Variants in IL12RB2 observed in about 807,000 individuals in gnomAD.
The protein encoded by IL12RB2 is interleukin-12 receptor subunit beta-2.
A neutral mutation model predicts 89.4 loss-of-function variants in IL12RB2; 82 were observed. That is an observed-to-expected ratio of 0.92 (90% CI 0.77 to 1.10). The LOEUF (loss-of-function observed/expected upper bound fraction) is 1.10. Ranked by LOEUF, IL12RB2 falls within the 50% of genes least tolerant of loss-of-function variation. The pLI is 0.00. For synonymous variants in IL12RB2, 368 were observed against 370.1 expected, an observed-to-expected ratio of 0.99 and a Z score of 0.07; for missense variants, 963 against 1,031.9, an observed-to-expected ratio of 0.93 and a Z score of 0.92.
In IL12RB2 at chr1:67,381,782, A is replaced by G. The variant is rs139186054; in HGVS notation, c.1855+1659A>G. 1.5e-3 allele frequency among the ~76,000 whole-genome samples: 198 copies of G among 132,704 alleles called. 1 individual carries two copies. The highest frequency in any genetic ancestry group is 4.1e-3 in the Middle Eastern group (1 of 244). 87.1% of individuals were successfully genotyped at this position (132,704 alleles called of 152,430 possible). ...CTATGTTTCAAAAAAAAAAAAAAAA[A>G]AAAGAAAGAAAGTTAACTTGCTCGA... On this transcript the variant is annotated intron_variant, in intron 14 of 16. Transcript: ENST00000674203.
intron 1 of IL12RB2, among the ~76,000 whole-genome samples, chr1:67,309,460 A>G (rs1489090107): frequency 6.6e-6 from 1 of 152,160 alleles, no homozygotes; most frequent in Non-Finnish European, 1.5e-5. Flanking sequence ...TCTCTGTCCA[A>G]CACATAACTA....
intron 10 of IL12RB2, among the ~76,000 whole-genome samples, chr1:67,366,846 T>G (rs575383602): frequency 6.6e-6 from 1 of 152,234 alleles, no homozygotes; most frequent in Non-Finnish European, 1.5e-5. Context: ...AGGGTTTAGG[T>G]AGCAATCTGA....
intron 4 of IL12RB2, among the ~76,000 whole-genome samples, chr1:67,322,932 C>T (rs1656774370): frequency 1.3e-5 from 2 of 152,186 alleles, no homozygotes; most frequent in African/African-American, 4.8e-5. Flanking sequence ...AGCATGGGCC[C>T]TGAGGGATTC....
chr1:67,371,131 G>A (rs1285131998), intron 11 of IL12RB2, among the ~76,000 whole-genome samples: 2 of 152,134 alleles, frequency 1.3e-5, no homozygotes, highest in Admixed American at 6.5e-5. Context: ...CATATTCCAT[G>A]TTGCCCTTTG....
At chr1:67,336,357 G>C (rs762491522) in intron 8 of IL12RB2, among the ~76,000 whole-genome samples, 1 of 152,118 alleles carries the variant, frequency 6.6e-6, no homozygotes, top group Non-Finnish European at 1.5e-5. Context: ...TATAGTGTCC[G>C]GACACCACCT....
rs761265401 is a variant in IL12RB2 at position 67,328,387 on chromosome 1, A to G, written c.664+3A>G. ...CACATTCACATTCTTGGACATAGGT[A>G]CATTTTATTTCACTGTTTCATTGGT... On this transcript the variant is annotated splice_donor_region_variant and intron_variant, in intron 6 of 16. Coordinates refer to ENST00000674203, the MANE Select transcript of IL12RB2 (RefSeq NM_001374259.2). 25 of 1,614,168 alleles carry G rather than the reference A, an allele frequency of 1.5e-5. No homozygotes were observed. In the East Asian group the frequency reaches 4.5e-4, roughly 29 times the overall value.
At chr1:67,340,497 G>C (rs1457016666) in intron 9 of IL12RB2, among the ~76,000 whole-genome samples, 4 of 152,176 alleles carry the variant, frequency 2.6e-5, no homozygotes, top group African/African-American at 7.2e-5. Flanking sequence ...CTCAACTCAA[G>C]GGTTTCTCTC....
chr1:67,342,853 A>G (rs34704065), intron 9 of IL12RB2, among the ~76,000 whole-genome samples: 52,843 of 83,294 alleles, frequency 0.63, 16,397 homozygotes, highest in Non-Finnish European at 0.75. Context: ...TTCACCTCCT[A>G]TGCTCAAGTG....
rs1487975303 is a variant in IL12RB2, at chr1:67,360,334, G to A, written c.1259-7491G>A. Among the ~76,000 whole-genome samples the A allele has an allele frequency of 2.0e-5, 3 of 151,862 alleles. No homozygotes were observed. In the East Asian group the frequency reaches 5.8e-4, roughly 29 times the overall value. Reference sequence around the variant, plus strand: ...TAATCACTTGAACCCAGGAGGCAGAGGTTGCAGTGAGCCAAGATGGCGCCA... The same window carrying A: ...TAATCACTTGAACCCAGGAGGCAGAAGTTGCAGTGAGCCAAGATGGCGCCA... On this transcript the variant is annotated intron_variant, in intron 10 of 16. Transcript: ENST00000674203.
intron 2 of IL12RB2, among the ~76,000 whole-genome samples, chr1:67,315,137 C>T (rs1183318502): frequency 6.6e-6 from 1 of 151,876 alleles, no homozygotes; most frequent in East Asian, 1.9e-4. Flanking sequence ...ATCAATGTAC[C>T]ATTATATAAA....
chr1:67,391,241 G>GTCA (rs1665775501), intron 16 of IL12RB2, among the ~76,000 whole-genome samples: 1 of 151,858 alleles, frequency 6.6e-6, no homozygotes, highest in Non-Finnish European at 1.5e-5. Context: ...AAGCACATGG[G>GTCA]TCATATAAGA....
intron 14 of IL12RB2, among the ~76,000 whole-genome samples, chr1:67,382,736 C>T (rs1664742286): frequency 7.4e-6 from 1 of 134,990 alleles, no homozygotes; most frequent in Non-Finnish European, 1.5e-5. Flanking sequence ...GACAGGGTCT[C>T]ACTCTATTGT....
intron 13 of IL12RB2, among the ~76,000 whole-genome samples, chr1:67,378,811 C>T (rs1427832801): frequency 1.5e-5 from 2 of 135,874 alleles, no homozygotes; most frequent in East Asian, 4.5e-4. Flanking sequence ...GATCGTATTA[C>T]TGTACTCTAG....
chr1:67,308,351 C>T (rs952264650), intron 1 of IL12RB2, among the ~76,000 whole-genome samples: 3 of 151,986 alleles, frequency 2.0e-5, no homozygotes, highest in African/African-American at 7.3e-5. Context: ...CCTGAGGGTC[C>T]AGCCTTGGTT....
intron 9 of IL12RB2, among the ~76,000 whole-genome samples, chr1:67,348,162 C>T (rs1178340511): frequency 6.6e-6 from 1 of 152,112 alleles, no homozygotes; most frequent in Non-Finnish European, 1.5e-5. Flanking sequence ...TCCTGTGACT[C>T]AGAACCTGCT....
Position 67,380,044 on chromosome 1 carries a change from G to C in IL12RB2, c.1776G>C (p.Val592=), listed in dbSNP as rs78878673. 299 of 1,613,276 alleles carry C rather than the reference G, an allele frequency of 1.9e-4. 2 individuals carry two copies. The East Asian group carries it at 6.4e-3, about 34-fold the overall frequency. Residue 592 remains valine, a synonymous_variant, in exon 14 of 17, where the codon GTG becomes GTC. Transcript: ENST00000674203. ...CAATAAACAGCCTGCAGCCCCGAGT[G>C]ACATATGTCCTGTGGATGACAGCTC... ...SHPINSLQPR[V]TYVLWMTALT...
chr1:67,330,530 C>T, intron 7 of IL12RB2, 130 bp from the exon 8 acceptor site: 1 of 647,836 alleles, frequency 1.5e-6, no homozygotes, highest in Non-Finnish European at 2.7e-6. Context: ...TATTTCTTCT[C>T]ATTTAATGGT....
At position 67,395,594 on chromosome 1, in the gene IL12RB2, G is replaced by A. The variant is rs549351792; in HGVS notation, c.2094G>A (p.Thr698=). The A allele has an allele frequency of 5.6e-5, 90 of 1,614,218 alleles. No individual in the cohort carries two copies. In the African/African-American group the frequency reaches 8.1e-4, roughly 15 times the overall value. ...PLDRLLIDWP[T]PEDPEPLVIS... ...ACAGGCTCCTGATAGACTGGCCCAC[G>A]CCTGAAGATCCTGAACCGCTGGTCA... The change falls in exon 17 of 17, where the codon ACG becomes ACA. Residue 698 remains threonine, a synonymous_variant. Transcript: ENST00000674203.
Position 67,396,309 on chromosome 1 carries a change from T to A in IL12RB2, c.*220T>A, listed in dbSNP as rs529386844. ...CCTTTCCCAGGGCCTTAAAATTACA[T>A]CCTTCACTGTGTGGACCTAGAGACT... On this transcript the variant is annotated 3_prime_UTR_variant, in exon 17 of 17. Coordinates refer to ENST00000674203, the MANE Select transcript of IL12RB2 (RefSeq NM_001374259.2). 2.1e-5 allele frequency: 13 copies of A among 617,962 alleles called. No homozygotes were observed. Among genetic ancestry groups the A allele is most frequent in the African/African-American group, 1.3e-4 (7 of 54,718 alleles). 38.3% of individuals were successfully genotyped at this position (617,962 alleles called of 1,614,324 possible). A position where few individuals can be genotyped will look rare whatever the true frequency, so the allele number is the denominator to read the frequency against.
Sources: gnomAD v4.1 joint callset for allele counts (sites outside exome capture counted in the v4.1 genomes callset) on GRCh38, gnomAD v4.1.1 for gene constraint, MANE v1.5 for transcripts, NCBI Gene and HGNC (gene_info 2026-07-23, HGNC 2026-07-21) for gene names.